Variants in RBMS3 observed in about 807,000 individuals in gnomAD.
The protein encoded by RBMS3 is RNA binding motif single stranded interacting protein 3.
RBMS3 carries 27 observed loss-of-function variants against 66.8 expected under a neutral mutation model. The observed-to-expected ratio is 0.40, with a 90% CI of 0.30 to 0.56. The LOEUF is 0.56. Ranked by LOEUF, RBMS3 falls within the 20% of genes least tolerant of loss-of-function variation. The pLI is 0.40. For missense variants in RBMS3, 513 were observed against 549.5 expected (o/e 0.93, Z 0.66); for synonymous variants, 188 against 183.0 (o/e 1.03, Z -0.22).
At position 29,457,827 on chromosome 3, in the gene RBMS3, C is replaced by CTTTT. The variant is rs36020077; in HGVS notation, c.248+22926_248+22929dup. Among the ~76,000 whole-genome samples the CTTTT allele has an allele frequency of 4.1e-3, 581 of 140,800 alleles. 3 individuals carry two copies. Among genetic ancestry groups the CTTTT allele is most frequent in the African/African-American group, 0.014 (550 of 38,334 alleles). 92.4% of individuals were successfully genotyped at this position (140,800 alleles called of 152,430 possible). A position where few individuals can be genotyped will look rare whatever the true frequency, so the allele number is the denominator to read the frequency against. ...AGCTCTTACCATTTCTCAATTTGCA[C>CTTTT]TTTTTTTTTTTTTTTTTGACATTAA... is the stretch of plus-strand genomic sequence containing the variant. On this transcript the variant is annotated intron_variant, in intron 2 of 14. Transcript: ENST00000383767.
chr3:29,531,228 T>A (rs569441960), intron 3 of RBMS3, among the ~76,000 whole-genome samples: 5 of 152,360 alleles, frequency 3.3e-5, no homozygotes, highest in Admixed American at 1.3e-4. Context: ...CCTGGGGGCT[T>A]GCCAGACAGG....
intron 2 of RBMS3, among the ~76,000 whole-genome samples, chr3:29,436,803 T>G (rs1394689066): frequency 6.6e-6 from 1 of 152,194 alleles, no homozygotes; most frequent in African/African-American, 2.4e-5. Flanking sequence ...AGGTCTGGGG[T>G]AGAGCCCAAG....
chr3:29,710,480 T>G (rs2053114839), intron 4 of RBMS3, among the ~76,000 whole-genome samples: 1 of 152,166 alleles, frequency 6.6e-6, no homozygotes, highest in Non-Finnish European at 1.5e-5. Context: ...ATTTAAGTAA[T>G]TTACCAAAGG....
intron 6 of RBMS3, among the ~76,000 whole-genome samples, chr3:29,826,497 G>A (rs563157158): frequency 6.6e-6 from 1 of 151,994 alleles, no homozygotes; most frequent in East Asian, 1.9e-4. Context: ...GTATATTCTG[G>A]TTAGCTACTG....
chr3:29,409,711 T>C (rs982046054), intron 1 of RBMS3, among the ~76,000 whole-genome samples: 1 of 152,208 alleles, frequency 6.6e-6, no homozygotes, highest in African/African-American at 2.4e-5. Context: ...AACTCAGAGC[T>C]AATGTGAGAG....
At chr3:29,349,365 C>T (rs2036770013) in intron 1 of RBMS3, among the ~76,000 whole-genome samples, 1 of 152,168 alleles carries the variant, frequency 6.6e-6, no homozygotes, top group Non-Finnish European at 1.5e-5. Context: ...GAATGCAGGT[C>T]AATCCCAATA....
At chr3:29,566,814 A>G (rs1025450851) in intron 3 of RBMS3, among the ~76,000 whole-genome samples, 1 of 152,070 alleles carries the variant, frequency 6.6e-6, no homozygotes, top group Non-Finnish European at 1.5e-5. Context: ...AGAGTTCTGT[A>G]TCTTGATCGT....
At chr3:29,853,648 A>G (rs1040188694) in intron 6 of RBMS3, among the ~76,000 whole-genome samples, 2 of 151,606 alleles carry the variant, frequency 1.3e-5, no homozygotes, top group Non-Finnish European at 1.5e-5. Flanking sequence ...TCTCTTTACT[A>G]CCTGATTGGT....
At chr3:29,922,453 G>T (rs545986378) in intron 10 of RBMS3, among the ~76,000 whole-genome samples, 2 of 141,982 alleles carry the variant, frequency 1.4e-5, no homozygotes, top group Non-Finnish European at 3.0e-5. Context: ...CGCCACTGCA[G>T]TCCGCAGTCC....
intron 5 of RBMS3, among the ~76,000 whole-genome samples, chr3:29,754,484 T>C (rs2055320653): frequency 6.6e-6 from 1 of 152,164 alleles, no homozygotes; most frequent in Non-Finnish European, 1.5e-5. Flanking sequence ...GAGGAGGGCT[T>C]ACCCAGTTGA....
At chr3:29,618,500 C>A in intron 4 of RBMS3, among the ~76,000 whole-genome samples, 1 of 151,356 alleles carries the variant, frequency 6.6e-6, no homozygotes, top group East Asian at 1.9e-4. Context: ...AGCAAAAACT[C>A]TATCTCAAAA....
intron 6 of RBMS3, among the ~76,000 whole-genome samples, chr3:29,833,332 A>G (rs1353434481): frequency 6.6e-6 from 1 of 152,196 alleles, no homozygotes; most frequent in African/African-American, 2.4e-5. Context: ...AAAAATTAAG[A>G]TCTATAAATT....
At chr3:29,350,295 T>C (rs1559507943) in intron 1 of RBMS3, among the ~76,000 whole-genome samples, 1 of 152,168 alleles carries the variant, frequency 6.6e-6, no homozygotes, top group East Asian at 1.9e-4. Context: ...TGGTTCATAA[T>C]TGGTTGTTTT....
chr3:29,398,240 A>G (rs769572412), intron 1 of RBMS3, among the ~76,000 whole-genome samples: 4 of 152,180 alleles, frequency 2.6e-5, no homozygotes, highest in African/African-American at 4.8e-5. Flanking sequence ...TTATATTGTC[A>G]TTGTGGCCAG....
rs970611463 is a variant in RBMS3 at position 29,658,085 on chromosome 3, T to C, written c.399+70880T>C. Among the ~76,000 whole-genome samples, 6 of 152,306 alleles carry C rather than the reference T, an allele frequency of 3.9e-5. No homozygotes were observed. The South Asian group carries it at 8.3e-4, about 21-fold the overall frequency. ...AGGTATACCAAATGCTACCTGTAATTCTTGGCAAGTTAATTCTGAAACTTA... is the reference window on the plus strand; with the variant it reads ...AGGTATACCAAATGCTACCTGTAATCCTTGGCAAGTTAATTCTGAAACTTA... On this transcript the variant is annotated intron_variant, in intron 4 of 14. Transcript: ENST00000383767.
At chr3:29,802,537 T>C (rs1199577582) in intron 6 of RBMS3, among the ~76,000 whole-genome samples, 1 of 152,230 alleles carries the variant, frequency 6.6e-6, no homozygotes, top group Admixed American at 6.5e-5. Flanking sequence ...CATTTTAACA[T>C]GCATCGTCCA....
chr3:29,614,645 T>A (rs2149139242), intron 4 of RBMS3: 1 of 152,276 alleles, frequency 6.6e-6, no homozygotes, highest in South Asian at 2.1e-4. Flanking sequence ...GGTTGAAAAC[T>A]GTAGAAAAAT....
rs553520590 is a variant in RBMS3 at position 29,559,510 on chromosome 3, CAAAAAAAAAAAAAAAAAAAAAAAA to C, written c.308-27584_308-27561del. Among the ~76,000 whole-genome samples, 115 of 41,336 alleles carry C rather than the reference CAAAAAAAAAAAAAAAAAAAAAAAA, an allele frequency of 2.8e-3. 1 individual carries two copies. The highest frequency in any genetic ancestry group is 0.02 in the Middle Eastern group (1 of 50). 27.1% of individuals were successfully genotyped at this position (41,336 alleles called of 152,430 possible). A position where few individuals can be genotyped will look rare whatever the true frequency, so the allele number is the denominator to read the frequency against. On this transcript the variant is annotated intron_variant, in intron 3 of 14. Transcript: ENST00000383767. ...TGGGTGACAGAGGAAGACTCTGTCT[CAAAAAAAAAAAAAAAAAAAAAAAA>C]AAAAAAAAAAAAAAAAAAACCTGAC...
intron 11 of RBMS3, among the ~76,000 whole-genome samples, chr3:29,938,492 A>G (rs2061319671): frequency 1.3e-5 from 2 of 151,970 alleles, no homozygotes; most frequent in Admixed American, 1.3e-4. Flanking sequence ...GGTTTAGAAG[A>G]GGTAGAGAGA....
Sources: allele counts gnomAD v4.1 joint callset (sites outside exome capture counted in the v4.1 genomes callset), GRCh38; gene constraint gnomAD v4.1.1; transcripts MANE v1.5; gene names NCBI Gene and HGNC (gene_info 2026-07-23, HGNC 2026-07-21).